The following RARB variants were observed in gnomAD, a reference collection of about 807,000 sequenced individuals.
RARB encodes HBV-activated protein.
In RARB, 17 loss-of-function variants were observed where a neutral mutation model predicts 51.9. That is an observed-to-expected ratio of 0.33 (90% CI 0.22 to 0.49). The LOEUF (loss-of-function observed/expected upper bound fraction) is 0.49, where lower values mean the gene tolerates loss of function less well. Among genes scored for constraint, RARB ranks in the 20% least tolerant of loss-of-function variants. RARB has a pLI of 0.99. For missense variants in RARB, 369 were observed against 550.8 expected (o/e 0.67, Z 3.30); for synonymous variants, 215 against 195.4 (o/e 1.10, Z -0.84).
intron 2 of RARB, among the ~76,000 whole-genome samples, chr3:24,917,419 C>T (rs747901457): frequency 3.5e-4 from 53 of 152,194 alleles, no homozygotes; most frequent in Non-Finnish European, 5.7e-4. Flanking sequence ...TTGATGAACT[C>T]ATATCCAGAA....
chr3:25,547,448 GT>G (rs1699662420), intron 3 of RARB, among the ~76,000 whole-genome samples: 1 of 152,142 alleles, frequency 6.6e-6, no homozygotes, highest in Non-Finnish European at 1.5e-5. Flanking sequence ...TTCCACTACT[GT>G]TCCCAGGAAC....
chr3:25,149,920 G>A (rs1042548848), intron 4 of RARB, among the ~76,000 whole-genome samples: 1 of 151,992 alleles, frequency 6.6e-6, no homozygotes, highest in African/African-American at 2.4e-5. Flanking sequence ...TTAAATATCT[G>A]GTCAGGCACA....
chr3:25,192,515 A>G (rs1389078848), intron 5 of RARB, among the ~76,000 whole-genome samples: 1 of 152,092 alleles, frequency 6.6e-6, no homozygotes, highest in Non-Finnish European at 1.5e-5. Flanking sequence ...CTATCATGCT[A>G]TTTATTAATT....
rs1575180792 is a variant in RARB, at chr3:25,145,159, A to G, written c.-280+12951A>G. Among the ~76,000 whole-genome samples the G allele has an allele frequency of 2.0e-5, 3 of 152,228 alleles. No homozygotes were observed. In the East Asian group the frequency reaches 5.8e-4, roughly 29 times the overall value. On this transcript the variant is annotated intron_variant, in intron 4 of 11. Coordinates refer to the RARB transcript ENST00000383772. ...TGGCTCCCTGTAAAGCAAAATATTG[A>G]CAATAAAATTGCTATTTTTGTCTTA...
intron 1 of RARB, among the ~76,000 whole-genome samples, chr3:25,444,905 T>A (rs967376840): frequency 6.6e-6 from 1 of 152,158 alleles, no homozygotes; most frequent in Non-Finnish European, 1.5e-5. Context: ...TAGAGACCAG[T>A]GTTACCATAT....
At chr3:25,077,361 G>T (rs543654661) in intron 3 of RARB, among the ~76,000 whole-genome samples, 38 of 152,082 alleles carry the variant, frequency 2.5e-4, no homozygotes, top group South Asian at 6.2e-4. Context: ...TTCTTCCTCC[G>T]TTCTCCTCCC....
chr3:25,501,071 C>T, intron 2 of RARB, 111 bp from the exon 3 acceptor site: 1 of 1,262,134 alleles, frequency 7.9e-7, no homozygotes, highest in South Asian at 1.7e-5. Context: ...TTTCTGCTGC[C>T]ATCACTTCGT....
intron 2 of RARB, among the ~76,000 whole-genome samples, chr3:25,492,117 A>G (rs1343839636): frequency 6.6e-6 from 1 of 152,162 alleles, no homozygotes; most frequent in Non-Finnish European, 1.5e-5. Flanking sequence ...TACTTGCCTT[A>G]TGAAACTTGC....
In RARB at chr3:25,554,642, C is replaced by A. The variant is rs147289141; in HGVS notation, c.449-15116C>A. Among the ~76,000 whole-genome samples the A allele has an allele frequency of 7.9e-5, 12 of 152,316 alleles. No homozygotes were observed. In the East Asian group the frequency reaches 1.7e-3, roughly 22 times the overall value. On this transcript the variant is annotated intron_variant, in intron 3 of 7. Coordinates refer to ENST00000330688, the MANE Select transcript of RARB (RefSeq NM_000965.5). ...TCTTCACCATCAACACCTCCAGTAA[C>A]CCTCACAGTGCCGGGCACAGAGTTG...
intron 3 of RARB, among the ~76,000 whole-genome samples, chr3:25,111,978 A>G (rs1699610344): frequency 6.6e-6 from 1 of 152,186 alleles, no homozygotes; most frequent in Admixed American, 6.5e-5. Flanking sequence ...ACACACCAAC[A>G]TCAATGTTTT....
At chr3:25,423,874 C>T (rs1243344539), upstream of RARB, among the ~76,000 whole-genome samples, 3 of 152,216 alleles carry the variant, frequency 2.0e-5, no homozygotes, top group South Asian at 2.1e-4. Context: ...GCTCACTGCT[C>T]AGTACTGAGG....
At chr3:24,952,261 A>T (rs902678768) in intron 2 of RARB, among the ~76,000 whole-genome samples, 7 of 151,962 alleles carry the variant, frequency 4.6e-5, no homozygotes, top group African/African-American at 1.7e-4. Flanking sequence ...TTTTTAGTGA[A>T]TTAAATTTAC....
At chr3:25,553,397 T>G (rs1282178525) in intron 3 of RARB, among the ~76,000 whole-genome samples, 2 of 152,170 alleles carry the variant, frequency 1.3e-5, no homozygotes, top group African/African-American at 4.8e-5. Flanking sequence ...ATCCTCTTCA[T>G]CTCTGTGTGA....
At chr3:25,341,595 A>T (rs560343569) in intron 5 of RARB, among the ~76,000 whole-genome samples, 1 of 152,158 alleles carries the variant, frequency 6.6e-6, no homozygotes, top group African/African-American at 2.4e-5. Flanking sequence ...TCTCCTATTC[A>T]TCTTCCAAGT....
At chr3:25,259,405 G>A (rs967859553) in intron 5 of RARB, among the ~76,000 whole-genome samples, 1 of 152,066 alleles carries the variant, frequency 6.6e-6, no homozygotes, top group South Asian at 2.1e-4. Flanking sequence ...TATTTATTGG[G>A]TCTCATGTAT....
At chr3:25,070,566 T>C (rs1356381572) in intron 3 of RARB, among the ~76,000 whole-genome samples, 5 of 152,332 alleles carry the variant, frequency 3.3e-5, no homozygotes, top group Middle Eastern at 3.4e-3. Flanking sequence ...TAGAAAATTA[T>C]AGTACTTACA....
chr3:25,361,736 C>T (rs2125464218), intron 5 of RARB, among the ~76,000 whole-genome samples: 1 of 152,312 alleles, frequency 6.6e-6, no homozygotes, highest in South Asian at 2.1e-4. Flanking sequence ...CCAGTCGGTC[C>T]CCTCTTCTGC....
intron 2 of RARB, among the ~76,000 whole-genome samples, chr3:25,056,784 T>C (rs1698450777): frequency 6.6e-6 from 1 of 152,154 alleles, no homozygotes; most frequent in African/African-American, 2.4e-5. Context: ...TTCTTTTAAT[T>C]ATTCAGCAAA....
chr3:25,212,110 A>G (rs1054169600), intron 5 of RARB, among the ~76,000 whole-genome samples: 1 of 152,200 alleles, frequency 6.6e-6, no homozygotes, highest in African/African-American at 2.4e-5. Context: ...GACATTGTCA[A>G]AGACATTAAT....
Sources: allele counts gnomAD v4.1 joint callset (sites outside exome capture counted in the v4.1 genomes callset), GRCh38; gene constraint gnomAD v4.1.1; transcripts MANE v1.5; gene names NCBI Gene and HGNC (gene_info 2026-07-23, HGNC 2026-07-21).